The following NRXN3 variants were observed in gnomAD, a reference collection of about 807,000 sequenced individuals.
The protein encoded by NRXN3 is neurexin III.
A neutral mutation model predicts 137.6 loss-of-function variants in NRXN3; 32 were observed. The observed-to-expected ratio is 0.23, with a 90% CI of 0.18 to 0.31. The LOEUF is 0.31. Ranked by LOEUF, NRXN3 falls within the 10% of genes least tolerant of loss-of-function variation. NRXN3 has a pLI of 1.00. For missense variants in NRXN3, 1,574 were observed against 2,062.5 expected, an observed-to-expected ratio of 0.76 and a Z score of 4.59; for synonymous variants, 798 against 784.5, an observed-to-expected ratio of 1.02 and a Z score of -0.29.
chr14:79,132,077 C>G (rs1264163182), intron 15 of NRXN3, among the ~76,000 whole-genome samples: 1 of 152,258 alleles, frequency 6.6e-6, no homozygotes, highest in East Asian at 1.9e-4. Context: ...CGCGCACTGT[C>G]TGGCACTCCC....
At chr14:78,888,593 A>G (rs1041834520) in intron 10 of NRXN3, among the ~76,000 whole-genome samples, 1 of 151,874 alleles carries the variant, frequency 6.6e-6, no homozygotes, top group Non-Finnish European at 1.5e-5. Flanking sequence ...CTTTTCCTCT[A>G]TTCCCTGGTT....
chr14:79,815,079 G>A (rs976245792), intron 20 of NRXN3, among the ~76,000 whole-genome samples: 1 of 152,052 alleles, frequency 6.6e-6, no homozygotes, highest in African/African-American at 2.4e-5. Flanking sequence ...CAGAGAACAC[G>A]ACATACATAA....
At chr14:78,617,849 A>G (rs1286120747) in intron 4 of NRXN3, among the ~76,000 whole-genome samples, 1 of 151,400 alleles carries the variant, frequency 6.6e-6, no homozygotes, top group Non-Finnish European at 1.5e-5. Flanking sequence ...CTGTCTATCT[A>G]TCATCTATTC....
At chr14:78,976,827 C>A (rs1226277252) in intron 14 of NRXN3, among the ~76,000 whole-genome samples, 2 of 152,122 alleles carry the variant, frequency 1.3e-5, no homozygotes, top group Non-Finnish European at 2.9e-5. Context: ...CAACTGTACA[C>A]CCAACTTAAG....
At chr14:79,527,894 A>G (rs2097136013) in intron 16 of NRXN3, among the ~76,000 whole-genome samples, 1 of 150,042 alleles carries the variant, frequency 6.7e-6, no homozygotes, top group African/African-American at 2.5e-5. Context: ...AAAAAAAGAA[A>G]GAAAAAAGTA....
At chr14:79,020,328 C>T (rs1329877744) in intron 15 of NRXN3, among the ~76,000 whole-genome samples, 4 of 148,536 alleles carry the variant, frequency 2.7e-5, no homozygotes, top group African/African-American at 5.0e-5. Flanking sequence ...TGCAATGGCT[C>T]GATCTTGTCT....
intron 19 of NRXN3, among the ~76,000 whole-genome samples, chr14:79,769,056 G>A (rs560006775): frequency 6.0e-4 from 92 of 152,172 alleles, no homozygotes; most frequent in Non-Finnish European, 1.1e-3. Flanking sequence ...AATGAAGTGA[G>A]AAGGGAAGTT....
intron 16 of NRXN3, among the ~76,000 whole-genome samples, chr14:79,662,307 C>T (rs1464458360): frequency 6.6e-6 from 1 of 152,150 alleles, no homozygotes; most frequent in East Asian, 1.9e-4. Flanking sequence ...TCTGTCCTTA[C>T]ACATGCCTCC....
At chr14:79,269,285 G>A (rs1270784327) in intron 15 of NRXN3, among the ~76,000 whole-genome samples, 2 of 152,106 alleles carry the variant, frequency 1.3e-5, no homozygotes, top group Non-Finnish European at 2.9e-5. Flanking sequence ...TCCTGACCTT[G>A]TGATCCACCC....
At position 78,884,734 on chromosome 14, in the gene NRXN3, T is replaced by C. The variant is rs536020007; in HGVS notation, c.2276-72508T>C. Among the ~76,000 whole-genome samples, 61 of 152,316 alleles carry C rather than the reference T, an allele frequency of 4.0e-4. 1 individual carries two copies. The highest frequency in any genetic ancestry group is 1.4e-3 in the African/African-American group (60 of 41,576). On this transcript the variant is annotated intron_variant, in intron 10 of 20. Transcript: ENST00000335750. The stretch of plus-strand genomic sequence containing the variant: ...GTAAATTCACATGCCCCATTGTGGT[T>C]AGTGAAGTGGTGAAGGGAAAGTTGA...
intron 4 of NRXN3, among the ~76,000 whole-genome samples, chr14:78,383,136 GC>G (rs2089420224): frequency 1.3e-5 from 2 of 152,142 alleles, no homozygotes; most frequent in Admixed American, 1.3e-4. Context: ...TGAATCAGGG[GC>G]TGGGCTCTTC....
intron 4 of NRXN3, among the ~76,000 whole-genome samples, chr14:78,451,254 C>T (rs1352438810): frequency 1.3e-5 from 2 of 152,178 alleles, no homozygotes; most frequent in Non-Finnish European, 2.9e-5. Flanking sequence ...GGACCTTAGA[C>T]AATTGCTTAC....
intron 4 of NRXN3, among the ~76,000 whole-genome samples, chr14:78,473,039 G>A (rs1345594790): frequency 6.6e-6 from 1 of 151,698 alleles, no homozygotes; most frequent in African/African-American, 2.4e-5. Flanking sequence ...AGTAGAGAGA[G>A]GTACAAGGAT....
chr14:79,459,301 T>C (rs56034924), intron 15 of NRXN3, among the ~76,000 whole-genome samples: 41,802 of 151,878 alleles, frequency 0.28, 6,355 homozygotes, highest in Admixed American at 0.4. Context: ...CATTTGAAGA[T>C]AGGGTTTTCT....
chr14:78,335,405 T>C (rs1361105017), intron 4 of NRXN3, among the ~76,000 whole-genome samples: 2 of 152,204 alleles, frequency 1.3e-5, no homozygotes, highest in Non-Finnish European at 2.9e-5. Context: ...TCAAGGTAGA[T>C]TGTAAAAGCC....
At chr14:78,599,821 AAAG>A (rs2097188369) in intron 4 of NRXN3, among the ~76,000 whole-genome samples, 1 of 152,302 alleles carries the variant, frequency 6.6e-6, no homozygotes, top group African/African-American at 2.4e-5. Context: ...ATAGGGAAAA[AAAG>A]AAATAATAGG....
chr14:78,380,420 CATG>C (rs2088858149), intron 4 of NRXN3, among the ~76,000 whole-genome samples: 1 of 151,184 alleles, frequency 6.6e-6, no homozygotes, highest in Non-Finnish European at 1.5e-5. Context: ...AGAATCTTGA[CATG>C]AGGAGATCAT....
intron 4 of NRXN3, among the ~76,000 whole-genome samples, chr14:78,535,723 G>T (rs141097779): frequency 1.3e-5 from 2 of 152,328 alleles, no homozygotes; most frequent in East Asian, 1.9e-4. Flanking sequence ...TCTGTATTGT[G>T]TTGGGTAAAG....
intron 6 of NRXN3, among the ~76,000 whole-genome samples, chr14:78,661,551 G>C (rs545288571): frequency 2.0e-5 from 3 of 152,212 alleles, no homozygotes; most frequent in Non-Finnish European, 4.4e-5. Flanking sequence ...TGTTAACTTT[G>C]TGGATGGCAG....
Sources: allele counts gnomAD v4.1 joint callset (sites outside exome capture counted in the v4.1 genomes callset), GRCh38; gene constraint gnomAD v4.1.1; transcripts MANE v1.5; gene names NCBI Gene and HGNC (gene_info 2026-07-23, HGNC 2026-07-21).